TBCEL: variants seen among roughly 807,000 people sequenced by gnomAD.
The protein encoded by TBCEL is tubulin-specific chaperone cofactor E-like protein.
A neutral mutation model predicts 44.2 loss-of-function variants in TBCEL; 15 were observed. The ratio of observed to expected loss-of-function variants is 0.34; its 90% confidence interval spans 0.23 to 0.52. TBCEL has a LOEUF of 0.52. Ranked by LOEUF, TBCEL falls within the 20% of genes least tolerant of loss-of-function variation. The probability of loss-of-function intolerance (pLI) is 0.95; values close to 1 mark genes in which losing one functional copy is unlikely to be tolerated. For synonymous variants in TBCEL, 171 were observed against 185.4 expected (o/e 0.92, Z 0.63); for missense variants, 319 against 506.3 (o/e 0.63, Z 3.55).
At chr11:121,073,459 C>T (rs1344292108) in intron 8 of TBCEL, among the ~76,000 whole-genome samples, 1 of 151,814 alleles carries the variant, frequency 6.6e-6, no homozygotes, top group Non-Finnish European at 1.5e-5. Flanking sequence ...TATTGTTGCT[C>T]TATAGAAATG....
chr11:121,034,904 A>G (rs1475909521), intron 1 of TBCEL, among the ~76,000 whole-genome samples: 1 of 152,150 alleles, frequency 6.6e-6, no homozygotes, highest in African/African-American at 2.4e-5. Context: ...AGTGTGTTGA[A>G]GGATGCATAA....
rs141880715 is a variant in TBCEL, at chr11:121,090,249, A to T, written c.*3153A>T. The T allele has an allele frequency of 3.3e-5, 5 of 152,202 alleles. No individual in the cohort carries two copies. Among genetic ancestry groups the T allele is most frequent in the Non-Finnish European group, 4.4e-5 (3 of 68,030 alleles). The allele number at this position is 152,202 out of a possible 1,614,324, so 9.4% of individuals were successfully genotyped here. A position where few individuals can be genotyped will look rare whatever the true frequency, so the allele number is the denominator to read the frequency against. Reference sequence around the variant, plus strand: ...AAATTCAGTTCTAACCAGATGTTCCAGCTATGTTACTCAACCAGCAGTGGT... The same window carrying T: ...AAATTCAGTTCTAACCAGATGTTCCTGCTATGTTACTCAACCAGCAGTGGT... On this transcript the variant is annotated 3_prime_UTR_variant, in exon 9 of 9. Transcript: ENST00000683345.
chr11:121,041,468 T>TA (rs1945332033), intron 2 of TBCEL, among the ~76,000 whole-genome samples: 2 of 152,170 alleles, frequency 1.3e-5, no homozygotes, highest in African/African-American at 4.8e-5. Flanking sequence ...CACAACTTAG[T>TA]AATGGAAGCA....
intron 1 of TBCEL, among the ~76,000 whole-genome samples, chr11:121,027,049 T>C (rs1945058966): frequency 6.6e-6 from 1 of 152,096 alleles, no homozygotes; most frequent in African/African-American, 2.4e-5. Flanking sequence ...TATATAATAC[T>C]TTTTTTTCCT....
chr11:121,035,506 C>G (rs1329433131), intron 1 of TBCEL: 1 of 149,498 alleles, frequency 6.7e-6, no homozygotes, highest in Non-Finnish European at 1.5e-5. Context: ...CAGACTTTTG[C>G]AACCTTTATG....
At chr11:121,050,542 T>C (rs1234427385) in intron 4 of TBCEL, among the ~76,000 whole-genome samples, 1 of 151,732 alleles carries the variant, frequency 6.6e-6, no homozygotes, top group Non-Finnish European at 1.5e-5. Flanking sequence ...CATTTTTTTT[T>C]AGCTTTTGAC....
chr11:121,088,695 T>A lies in TBCEL; in HGVS notation c.*1599T>A, dbSNP rs1946251687. On this transcript the variant is annotated 3_prime_UTR_variant, in exon 9 of 9. Coordinates refer to ENST00000683345, the MANE Select transcript of TBCEL (RefSeq NM_001363644.2). ...TTTTAGGTGACTTGTAAATTCTTCA[T>A]GTATGAGGAGTTGTGTTTATTAATG... is the stretch of plus-strand genomic sequence containing the variant. 1 of 152,198 alleles carries A rather than the reference T, an allele frequency of 6.6e-6. No individual in the cohort carries two copies. Among genetic ancestry groups the A allele is most frequent in the Admixed American group, 6.5e-5 (1 of 15,274 alleles). The allele number at this position is 152,198 out of a possible 1,614,324, so 9.4% of individuals were successfully genotyped here. A position where few individuals can be genotyped will look rare whatever the true frequency, so the allele number is the denominator to read the frequency against.
At chr11:121,076,884 A>G (rs1196382071) in intron 8 of TBCEL, among the ~76,000 whole-genome samples, 2 of 152,062 alleles carry the variant, frequency 1.3e-5, no homozygotes, top group African/African-American at 2.4e-5. Flanking sequence ...AATTTATTCA[A>G]ATGCTTCTTC....
intron 8 of TBCEL, among the ~76,000 whole-genome samples, chr11:121,080,769 T>C (rs943620421): frequency 6.6e-6 from 1 of 152,184 alleles, no homozygotes; most frequent in Admixed American, 6.5e-5. Context: ...TGTGACTGAA[T>C]TGTGATTGAG....
At position 121,086,991 on chromosome 11, in the gene TBCEL, T is replaced by C. The variant is rs142279664; in HGVS notation, c.1170T>C (p.His390=). 2.5e-6 allele frequency: 4 copies of C among 1,613,982 alleles called. No homozygotes were observed. The African/African-American group carries it at 5.3e-5, about 22-fold the overall frequency. ...TSNMLLYYFD[H]EAPFGPEEMK... ...ACATGCTTCTCTACTATTTTGACCATGAAGCACCCTTTGGCCCAGAGGAAA... is the reference window on the plus strand; with the variant it reads ...ACATGCTTCTCTACTATTTTGACCACGAAGCACCCTTTGGCCCAGAGGAAA... Residue 390 remains histidine (H), a synonymous_variant, in exon 9 of 9, where the codon CAT becomes CAC. Transcript: ENST00000683345.
intron 1 of TBCEL, among the ~76,000 whole-genome samples, chr11:121,025,949 T>C (rs189307568): frequency 6.6e-6 from 1 of 152,296 alleles, no homozygotes; most frequent in African/African-American, 2.4e-5. Flanking sequence ...CTGAGAAATA[T>C]GAGAGGCCTA....
Position 121,090,460 on chromosome 11 carries a change from A to T in TBCEL, c.*3364A>T, listed in dbSNP as rs754571734. On this transcript the variant is annotated 3_prime_UTR_variant, in exon 9 of 9. Coordinates refer to ENST00000683345, the MANE Select transcript of TBCEL (RefSeq NM_001363644.2). ...TGAATTTGATTTTTCCCTTCATTTC[A>T]TGTCATATTGAAAATGCAAACAAAC... 1.3e-5 allele frequency: 2 copies of T among 152,044 alleles called. No individual in the cohort carries two copies. Among genetic ancestry groups the T allele is most frequent in the African/African-American group, 2.4e-5 (1 of 41,412 alleles). 9.4% of individuals were successfully genotyped at this position (152,044 alleles called of 1,614,324 possible).
At chr11:121,057,728 A>T (rs1443129214) in intron 6 of TBCEL, 1 of 406,724 alleles carries the variant, frequency 2.5e-6, no homozygotes, top group Non-Finnish European at 4.9e-6. Context: ...CCTAGAGATA[A>T]AGTATGCAGG....
At chr11:121,032,286 A>G (rs113464945) in intron 1 of TBCEL, among the ~76,000 whole-genome samples, 13 of 151,802 alleles carry the variant, frequency 8.6e-5, no homozygotes, top group African/African-American at 2.2e-4. Context: ...TCATTGGTCT[A>G]TTTTTCTTCC....
At chr11:121,086,679 A>G in intron 8 of TBCEL, 99 bp from the exon 9 acceptor site, 1 of 878,050 alleles carries the variant, frequency 1.1e-6, no homozygotes. Context: ...TTTTTTAAAG[A>G]TGTTGAGCCT....
intron 8 of TBCEL, among the ~76,000 whole-genome samples, chr11:121,075,044 CACTT>C (rs1319221120): frequency 1.3e-5 from 2 of 151,914 alleles, no homozygotes; most frequent in Non-Finnish European, 2.9e-5. Flanking sequence ...CACACACACT[CACTT>C]GTGTGAGAAC....
intron 8 of TBCEL, among the ~76,000 whole-genome samples, chr11:121,085,701 T>C (rs1946204179): frequency 6.6e-6 from 1 of 152,014 alleles, no homozygotes; most frequent in African/African-American, 2.4e-5. Context: ...AGAGGTGAGG[T>C]CTTGCTATGT....
chr11:121,066,487 C>T (rs1044466808), intron 8 of TBCEL, among the ~76,000 whole-genome samples: 1 of 152,116 alleles, frequency 6.6e-6, no homozygotes, highest in Non-Finnish European at 1.5e-5. Flanking sequence ...GCTGGACAGC[C>T]AAAGTTGGCA....
intron 2 of TBCEL, among the ~76,000 whole-genome samples, chr11:121,043,761 T>C (rs886172322): frequency 6.6e-6 from 1 of 152,130 alleles, no homozygotes; most frequent in African/African-American, 2.4e-5. Context: ...GTTTTCTTTC[T>C]TTTTCTTCAT....
Sources: allele counts gnomAD v4.1 joint callset (sites outside exome capture counted in the v4.1 genomes callset), GRCh38; gene constraint gnomAD v4.1.1; transcripts MANE v1.5; gene names NCBI Gene and HGNC (gene_info 2026-07-23, HGNC 2026-07-21).